The following TMEM131 variants were observed in gnomAD, a reference collection of about 807,000 sequenced individuals.
TMEM131 encodes transmembrane protein 131.
TMEM131 carries 66 observed loss-of-function variants against 211.6 expected under a neutral mutation model. That is an observed-to-expected ratio of 0.31 (90% CI 0.26 to 0.38). TMEM131 has a LOEUF of 0.38. TMEM131 is among the 10% of genes least tolerant of loss of function. The pLI is 1.00. For missense variants in TMEM131, 2,036 were observed against 2,299.3 expected (o/e 0.89, Z 2.34); for synonymous variants, 844 against 841.3 (o/e 1.00, Z -0.06).
intron 3 of TMEM131, among the ~76,000 whole-genome samples, chr2:97,896,716 A>G (rs1227398121): frequency 1.3e-5 from 2 of 152,078 alleles, no homozygotes; most frequent in South Asian, 2.1e-4. Flanking sequence ...GTGCCATTGA[A>G]TTACCTTGAC....
At chr2:97,969,014 T>C (rs1679179249) in intron 1 of TMEM131, among the ~76,000 whole-genome samples, 3 of 150,926 alleles carry the variant, frequency 2.0e-5, no homozygotes, top group African/African-American at 7.3e-5. Context: ...GCCTAGGAGA[T>C]CGAGGCTGCA....
Position 97,866,574 on chromosome 2 carries a change from C to T in TMEM131, c.360-7147G>A, listed in dbSNP as rs117325912. Among the ~76,000 whole-genome samples the T allele has an allele frequency of 3.2e-3, 490 of 152,092 alleles. 7 individuals carry two copies. The East Asian group carries it at 0.041, about 13-fold the overall frequency. ...TTATTTCTGTTTGCTTTAGTTGGCT[C>T]TTTTGCTAGTTTTTTTAGGGAGAAG... On this transcript the variant is annotated intron_variant, in intron 4 of 40. Transcript: ENST00000186436.
intron 18 of TMEM131, 66 bp from the exon 19 acceptor site, chr2:97,809,840 CATT>C: frequency 7.5e-7 from 1 of 1,325,128 alleles, no homozygotes; most frequent in Non-Finnish European, 1.1e-6. Context: ...ATAACTATTG[CATT>C]ATATTTTGGG....
intron 31 of TMEM131, among the ~76,000 whole-genome samples, chr2:97,782,965 CT>C (rs1680083577): frequency 7.1e-6 from 1 of 140,730 alleles, no homozygotes; most frequent in Non-Finnish European, 1.5e-5. Flanking sequence ...CCTATATAGA[CT>C]TAAAAAAAAA....
intron 11 of TMEM131, chr2:97,827,651 G>T: frequency 1.1e-6 from 1 of 918,424 alleles, no homozygotes; most frequent in South Asian, 1.4e-5. Flanking sequence ...TTTTTTAGTA[G>T]CTCTAGAAAC....
chr2:97,979,389 T>C (rs1255648914), intron 1 of TMEM131, among the ~76,000 whole-genome samples: 1 of 152,232 alleles, frequency 6.6e-6, no homozygotes, highest in South Asian at 2.1e-4. Flanking sequence ...GAGACCAAGA[T>C]GGCATCTTCC....
chr2:97,919,795 C>T (rs1432849842), intron 2 of TMEM131, among the ~76,000 whole-genome samples: 1 of 152,188 alleles, frequency 6.6e-6, no homozygotes, highest in African/African-American at 2.4e-5. Context: ...GTCTCGAACT[C>T]CTGACCTCAA....
At chr2:97,890,523 A>C (rs964389255) in intron 3 of TMEM131, among the ~76,000 whole-genome samples, 1 of 152,222 alleles carries the variant, frequency 6.6e-6, no homozygotes, top group Non-Finnish European at 1.5e-5. Context: ...GATTTTCAAG[A>C]GCATTGTTTT....
chr2:97,947,176 C>T (rs1247090103), intron 1 of TMEM131, among the ~76,000 whole-genome samples: 1 of 151,984 alleles, frequency 6.6e-6, no homozygotes, highest in Admixed American at 6.6e-5. Flanking sequence ...CTTCTCACCA[C>T]TCCTATTTAA....
At chr2:97,893,982 G>A (rs1359028891) in intron 3 of TMEM131, among the ~76,000 whole-genome samples, 1 of 152,058 alleles carries the variant, frequency 6.6e-6, no homozygotes, top group Non-Finnish European at 1.5e-5. Context: ...TATTGCCTAG[G>A]TTTTCTTCTA....
At chr2:97,878,415 G>A (rs1331097716) in intron 4 of TMEM131, among the ~76,000 whole-genome samples, 4 of 152,146 alleles carry the variant, frequency 2.6e-5, no homozygotes, top group Non-Finnish European at 1.5e-5. Flanking sequence ...GTTTACTGTG[G>A]CACTATTCAC....
Position 97,762,053 on chromosome 2 carries a change from A to G in TMEM131, c.4871T>C (p.Val1624Ala), listed in dbSNP as rs371322231. 3.8e-6 allele frequency: 6 copies of G among 1,577,038 alleles called. No individual in the cohort carries two copies. Among genetic ancestry groups the G allele is most frequent in the Non-Finnish European group, 4.3e-6 (5 of 1,166,902 alleles). ...FVARGSYSSI[V>A]NSSSSSDPKI... ...GGCCTACCTGCTGGAGCTGCTGTTG[A>G]CGATGCTGCTGTAGCTGCCCCGGGC... The change falls in exon 36 of 41, where the codon GTC becomes GCC. Residue 1624 changes from valine to alanine, a missense_variant. Around this residue, in one of 3 missense-constraint regions of TMEM131, gnomAD observed 1,623 missense variants for 1,805.9 expected, o/e 0.90. Transcript: ENST00000186436.
chr2:97,887,152 G>C (rs932054692), intron 4 of TMEM131, among the ~76,000 whole-genome samples: 4 of 152,228 alleles, frequency 2.6e-5, no homozygotes, highest in Admixed American at 2.6e-4. Flanking sequence ...CTGTTTCTCA[G>C]GTCCAAGACA....
At chr2:97,875,089 T>G (rs1219971908) in intron 4 of TMEM131, among the ~76,000 whole-genome samples, 1 of 152,074 alleles carries the variant, frequency 6.6e-6, no homozygotes, top group Non-Finnish European at 1.5e-5. Flanking sequence ...AAACAGACTT[T>G]AAACCAACAA....
chr2:97,758,821 C>T, intron 40 of TMEM131, 72 bp downstream of exon 40: 1 of 1,529,976 alleles, frequency 6.5e-7, no homozygotes, highest in Non-Finnish European at 8.8e-7. Context: ...CAGTGCCATC[C>T]ATGTCACAGC....
At chr2:97,969,249 AG>A (rs775511763) in intron 1 of TMEM131, among the ~76,000 whole-genome samples, 3 of 152,210 alleles carry the variant, frequency 2.0e-5, no homozygotes, top group Non-Finnish European at 4.4e-5. Flanking sequence ...CCCTGTACAC[AG>A]TACATATCAT....
intron 15 of TMEM131, 25 bp from the exon 16 acceptor site, chr2:97,812,774 T>A (rs1218650873): frequency 1.5e-6 from 2 of 1,352,172 alleles, no homozygotes; most frequent in Non-Finnish European, 2.0e-6. Context: ...AAGAACCAGA[T>A]TAAAAAAAAG....
At chr2:97,813,683 T>C (rs970199595) in intron 15 of TMEM131, among the ~76,000 whole-genome samples, 17 of 152,224 alleles carry the variant, frequency 1.1e-4, no homozygotes, top group African/African-American at 3.4e-4. Context: ...AGTTCTTTTC[T>C]ATATTCCCCA....
At chr2:97,935,254 G>T (rs953372079) in intron 1 of TMEM131, among the ~76,000 whole-genome samples, 1 of 152,092 alleles carries the variant, frequency 6.6e-6, no homozygotes, top group Admixed American at 6.5e-5. Flanking sequence ...ATATCAGGAT[G>T]GTGAAAATGA....
Sources: allele counts gnomAD v4.1 joint callset (sites outside exome capture counted in the v4.1 genomes callset), GRCh38; gene constraint gnomAD v4.1.1; regional missense constraint gnomAD v4.1.1; transcripts MANE v1.5; gene names NCBI Gene and HGNC (gene_info 2026-07-23, HGNC 2026-07-21).